The following ABAT variants were observed in gnomAD, a reference collection of about 807,000 sequenced individuals.
ABAT encodes 4-aminobutyrate aminotransferase.
Under a neutral mutation model 64.6 loss-of-function variants are expected in ABAT, and 45 were observed. That is an observed-to-expected ratio of 0.70 (90% CI 0.55 to 0.89). The LOEUF (loss-of-function observed/expected upper bound fraction) is 0.89, where lower values mean the gene tolerates loss of function less well. Among genes scored for constraint, ABAT ranks in the 40% least tolerant of loss-of-function variants. The pLI is 0.00. For missense variants in ABAT, 633 were observed against 658.4 expected (o/e 0.96, Z 0.42); for synonymous variants, 297 against 250.5 (o/e 1.19, Z -1.75).
intron 4 of ABAT, among the ~76,000 whole-genome samples, chr16:8,749,949 A>G (rs900957289): frequency 1.3e-4 from 19 of 151,922 alleles, no homozygotes; most frequent in African/African-American, 4.1e-4. Context: ...TCCTGACTTC[A>G]AATGATCCAC....
intron 1 of ABAT, among the ~76,000 whole-genome samples, chr16:8,704,777 A>T (rs1258424634): frequency 6.6e-6 from 1 of 152,134 alleles, no homozygotes; most frequent in African/African-American, 2.4e-5. Flanking sequence ...TTGTACCACA[A>T]CTTATTTGAG....
chr16:8,692,518 G>C (rs973074356), intron 1 of ABAT, among the ~76,000 whole-genome samples: 27 of 152,192 alleles, frequency 1.8e-4, no homozygotes, highest in Non-Finnish European at 4.0e-4. Flanking sequence ...TTCCAGTACT[G>C]CAGACTCATA....
intron 2 of ABAT, among the ~76,000 whole-genome samples, chr16:8,742,702 C>T (rs548473851): frequency 6.6e-6 from 1 of 151,558 alleles, no homozygotes; most frequent in East Asian, 1.9e-4. Flanking sequence ...CCTTCTCTGC[C>T]AAAAATGCAA....
intron 1 of ABAT, among the ~76,000 whole-genome samples, chr16:8,680,494 C>T (rs1031312610): frequency 3.3e-5 from 5 of 150,788 alleles, no homozygotes; most frequent in South Asian, 4.2e-4. Context: ...GGTGTGATCT[C>T]GGCTTACTGC....
At chr16:8,743,704 T>TAA (rs56077513) in intron 2 of ABAT, among the ~76,000 whole-genome samples, 114,716 of 145,572 alleles carry the variant, frequency 0.79, 45,375 homozygotes, top group Admixed American at 0.81. Flanking sequence ...ATATTTTAGT[T>TAA]ATATATGTAG....
intron 15 of ABAT, chr16:8,780,769 A>G (rs1212896179): frequency 5.3e-6 from 1 of 188,562 alleles, no homozygotes; most frequent in East Asian, 1.4e-4. Context: ...TCTCTAAAAA[A>G]AAAAAAAAAA....
chr16:8,710,939 A>C (rs937492028), intron 1 of ABAT, among the ~76,000 whole-genome samples: 4 of 152,174 alleles, frequency 2.6e-5, no homozygotes, highest in African/African-American at 9.7e-5. Context: ...AACATTAATC[A>C]CTTTCCCATA....
chr16:8,769,557 CA>C (rs35002036), intron 11 of ABAT, among the ~76,000 whole-genome samples: 15,456 of 84,358 alleles, frequency 0.18, 681 homozygotes, highest in East Asian at 0.27. Flanking sequence ...AGACTCTGTC[CA>C]AAAAAAAAAA....
Position 8,688,874 on chromosome 16 carries a change from G to A in ABAT, c.-42+14163G>A, listed in dbSNP as rs546455242. 5.9e-5 allele frequency among the ~76,000 whole-genome samples: 9 copies of A among 152,270 alleles called. No homozygotes were observed. In the East Asian group the frequency reaches 9.6e-4, roughly 16 times the overall value. On this transcript the variant is annotated intron_variant, in intron 1 of 15. Coordinates refer to ENST00000268251, the MANE Select transcript of ABAT (RefSeq NM_020686.6). ...AGGTGGATCACGAGGTCAGGAGTTCGAGACCAGCCTGGCCACCATAGTGAA... is the reference window on the plus strand; with the variant it reads ...AGGTGGATCACGAGGTCAGGAGTTCAAGACCAGCCTGGCCACCATAGTGAA...
chr16:8,702,243 G>A (rs2057839443), intron 1 of ABAT, among the ~76,000 whole-genome samples: 1 of 151,988 alleles, frequency 6.6e-6, no homozygotes, highest in Non-Finnish European at 1.5e-5. Flanking sequence ...GAGGAAGAGA[G>A]AGAGCAGAGA....
intron 1 of ABAT, among the ~76,000 whole-genome samples, chr16:8,693,019 A>G (rs1342837940): frequency 3.3e-5 from 5 of 152,024 alleles, no homozygotes; most frequent in Non-Finnish European, 4.4e-5. Flanking sequence ...ACATCTGGCT[A>G]ATTTTTGTAT....
intron 2 of ABAT, among the ~76,000 whole-genome samples, chr16:8,745,587 C>A (rs532007388): frequency 6.6e-6 from 1 of 152,202 alleles, no homozygotes; most frequent in East Asian, 1.9e-4. Flanking sequence ...ATCCCAGGTA[C>A]TCAGGAGGCT....
intron 6 of ABAT, among the ~76,000 whole-genome samples, chr16:8,759,872 A>G (rs1035036499): frequency 3.9e-5 from 6 of 152,146 alleles, no homozygotes; most frequent in Non-Finnish European, 7.4e-5. Flanking sequence ...ATTGCCATGT[A>G]AATGGAGTTT....
chr16:8,771,212 T>C (rs1385483796), intron 11 of ABAT, among the ~76,000 whole-genome samples: 5 of 151,800 alleles, frequency 3.3e-5, no homozygotes, highest in Non-Finnish European at 7.4e-5. Flanking sequence ...GGAGAATCAC[T>C]TGAACCCGGG....
At chr16:8,713,647 C>G (rs1451499815) in intron 1 of ABAT, 1 of 327,382 alleles carries the variant, frequency 3.1e-6, no homozygotes, top group Admixed American at 3.9e-5. Context: ...CAAACCTGCT[C>G]TGCTTCCAAG....
chr16:8,762,701 G>C (rs1263611652), intron 6 of ABAT, among the ~76,000 whole-genome samples: 1 of 152,140 alleles, frequency 6.6e-6, no homozygotes, highest in Non-Finnish European at 1.5e-5. Context: ...TACCCTTCTG[G>C]GAGCCATTTC....
chr16:8,686,166 G>T (rs530344822), intron 1 of ABAT, among the ~76,000 whole-genome samples: 1 of 152,252 alleles, frequency 6.6e-6, no homozygotes, highest in Non-Finnish European at 1.5e-5. Context: ...TCTGCCCAGA[G>T]CTGTAAATAG....
chr16:8,713,515 C>T (rs1470552733), intron 1 of ABAT: 2 of 198,436 alleles, frequency 1.0e-5, no homozygotes, highest in African/African-American at 2.3e-5. Context: ...TGTCTGAAAA[C>T]CCTTGTCTTT....
chr16:8,767,763 T>C (rs2059986963), intron 9 of ABAT, among the ~76,000 whole-genome samples: 1 of 151,962 alleles, frequency 6.6e-6, no homozygotes, highest in African/African-American at 2.4e-5. Flanking sequence ...GCAACCTCTG[T>C]CTCCCGGGTT....
Sources: gnomAD v4.1 joint callset for allele counts (sites outside exome capture counted in the v4.1 genomes callset) on GRCh38, gnomAD v4.1.1 for gene constraint, MANE v1.5 for transcripts, NCBI Gene and HGNC (gene_info 2026-07-23, HGNC 2026-07-21) for gene names.